The following RNF111 variants were observed in gnomAD, a reference collection of about 807,000 sequenced individuals.
RNF111 encodes the protein ring finger protein 111.
RNF111 carries 17 observed loss-of-function variants against 95.1 expected under a neutral mutation model. The observed-to-expected ratio is 0.18, with a 90% CI of 0.12 to 0.27. The LOEUF (loss-of-function observed/expected upper bound fraction) is 0.27. Among genes scored for constraint, RNF111 ranks in the 10% least tolerant of loss-of-function variants. The pLI is 1.00. For synonymous variants in RNF111, 440 were observed against 414.8 expected, an observed-to-expected ratio of 1.06 and a Z score of -0.74; for missense variants, 1,189 against 1,210.4, an observed-to-expected ratio of 0.98 and a Z score of 0.26.
Position 59,094,780 on chromosome 15 carries a change from T to A in RNF111, c.2844-3T>A. ...TTGCTTTTTGTTTTCTTGCCAATAA[T>A]AGACGTCTTCCATGTATGCACCTTT... On this transcript the variant is annotated splice_polypyrimidine_tract_variant and splice_region_variant and intron_variant, in intron 13 of 13. Transcript: ENST00000348370. The A allele has an allele frequency of 6.4e-7, 1 of 1,567,232 alleles. No homozygotes were observed. The highest frequency in any genetic ancestry group is 8.8e-7 in the Non-Finnish European group (1 of 1,137,320).
chr15:59,067,341 C>G (rs2042709243), intron 6 of RNF111, among the ~76,000 whole-genome samples: 1 of 151,100 alleles, frequency 6.6e-6, no homozygotes, highest in African/African-American at 2.4e-5. Flanking sequence ...TTCCTTCCCT[C>G]TCCTTTCTCC....
chr15:59,065,744 C>T (rs989108559), intron 5 of RNF111, among the ~76,000 whole-genome samples: 6 of 152,156 alleles, frequency 3.9e-5, no homozygotes, highest in African/African-American at 9.7e-5. Context: ...TGGTGGCTCA[C>T]GCCTGTAATC....
chr15:59,072,627 A>C (rs550168698), intron 6 of RNF111, among the ~76,000 whole-genome samples: 1 of 149,814 alleles, frequency 6.7e-6, no homozygotes, highest in Non-Finnish European at 1.5e-5. Flanking sequence ...ATTTTTTTGT[A>C]TTTTTTAGTA....
At chr15:59,059,071 A>C (rs1332646607) in intron 5 of RNF111, among the ~76,000 whole-genome samples, 1 of 152,166 alleles carries the variant, frequency 6.6e-6, no homozygotes, top group Non-Finnish European at 1.5e-5. Context: ...TGAGACCAGG[A>C]GTTCAAGACC....
chr15:59,008,407 C>T (rs2039639186), intron 1 of RNF111, among the ~76,000 whole-genome samples: 1 of 152,078 alleles, frequency 6.6e-6, no homozygotes, highest in Non-Finnish European at 1.5e-5. Context: ...TTTGTAGAGA[C>T]AGGGTCTCAC....
chr15:59,094,933 A>T lies in RNF111; in HGVS notation c.*33A>T. ...TTTCAGAACTCTTGCCCTCCCTCTC[A>T]TTCCCATCCTTCCTGGTACTGCAGT... On this transcript the variant is annotated 3_prime_UTR_variant, in exon 14 of 14. Transcript: ENST00000348370. 8.1e-7 allele frequency: 1 copy of T among 1,233,392 alleles called. No individual in the cohort carries two copies. Among genetic ancestry groups the T allele is most frequent in the Non-Finnish European group, 1.2e-6 (1 of 832,890 alleles). 76.4% of individuals were successfully genotyped at this position (1,233,392 alleles called of 1,614,324 possible).
At chr15:59,060,241 A>G (rs2042375028) in intron 5 of RNF111, among the ~76,000 whole-genome samples, 1 of 152,058 alleles carries the variant, frequency 6.6e-6, no homozygotes, top group Admixed American at 6.5e-5. Flanking sequence ...TCATTTGTTG[A>G]GTACATACTC....
chr15:59,085,605 G>A (rs1222834656), intron 9 of RNF111, 54 bp from the exon 10 acceptor site: 11 of 1,516,124 alleles, frequency 7.3e-6, no homozygotes, highest in South Asian at 3.9e-5. Context: ...CCCCATGTCT[G>A]TTGATAAAAA....
chr15:59,087,345 A>G (rs2078928040), intron 10 of RNF111, among the ~76,000 whole-genome samples: 1 of 152,226 alleles, frequency 6.6e-6, no homozygotes, highest in South Asian at 2.1e-4. Context: ...AACACAGTTA[A>G]AATAATATCA....
intron 1 of RNF111, among the ~76,000 whole-genome samples, chr15:58,999,461 G>A (rs547562441): frequency 6.6e-6 from 1 of 151,818 alleles, no homozygotes; most frequent in African/African-American, 2.4e-5. Flanking sequence ...TCAGCCTCCC[G>A]AGTAGCTGGG....
At chr15:59,024,187 TTC>T (rs1163008659) in intron 1 of RNF111, among the ~76,000 whole-genome samples, 2 of 152,224 alleles carry the variant, frequency 1.3e-5, no homozygotes, top group African/African-American at 4.8e-5. Flanking sequence ...GTTATTATTA[TTC>T]TCATTCTGCA....
intron 1 of RNF111, among the ~76,000 whole-genome samples, chr15:59,013,331 C>T (rs545783699): frequency 6.6e-6 from 1 of 152,336 alleles, no homozygotes; most frequent in African/African-American, 2.4e-5. Context: ...CACATTGATA[C>T]ATCACTGTTA....
intron 5 of RNF111, among the ~76,000 whole-genome samples, chr15:59,062,493 C>T (rs1187577146): frequency 6.6e-6 from 1 of 152,166 alleles, no homozygotes; most frequent in Non-Finnish European, 1.5e-5. Context: ...CTTATATATT[C>T]ATTTGTTTAA....
At chr15:59,044,179 C>T in intron 2 of RNF111, among the ~76,000 whole-genome samples, 1 of 152,164 alleles carries the variant, frequency 6.6e-6, no homozygotes, top group East Asian at 1.9e-4. Context: ...TAGAGGCACA[C>T]ATCACCATGC....
At chr15:59,083,549 AGTAT>A (rs2078810354) in intron 8 of RNF111, among the ~76,000 whole-genome samples, 1 of 151,990 alleles carries the variant, frequency 6.6e-6, no homozygotes, top group Admixed American at 6.6e-5. Context: ...AAAAAAAAAA[AGTAT>A]GAATCAAGCT....
Position 59,096,080 on chromosome 15 carries a change from C to G in RNF111, c.*1180C>G. On this transcript the variant is annotated 3_prime_UTR_variant, in exon 14 of 14. Coordinates refer to ENST00000348370, the MANE Select transcript of RNF111 (RefSeq NM_017610.8). ...TTATATACTCCCACTTCATACATTA[C>G]CAAGAGTCGATCACTGATTTAAAAT... The G allele has an allele frequency of 2.5e-6, 1 of 398,594 alleles. No homozygotes were observed. Among genetic ancestry groups the G allele is most frequent in the African/African-American group, 2.1e-5 (1 of 48,720 alleles). 24.7% of individuals were successfully genotyped at this position (398,594 alleles called of 1,614,324 possible).
chr15:59,025,336 T>C (rs148310555), intron 1 of RNF111, among the ~76,000 whole-genome samples: 249 of 152,348 alleles, frequency 1.6e-3, no homozygotes, highest in African/African-American at 5.8e-3. Flanking sequence ...CAGAAATCTC[T>C]TGAGAAATTT....
chr15:59,020,160 G>A (rs1241336836), intron 1 of RNF111, among the ~76,000 whole-genome samples: 1 of 147,980 alleles, frequency 6.8e-6, no homozygotes, highest in Non-Finnish European at 1.5e-5. Context: ...TATAAAATTT[G>A]TTAGATATGT....
chr15:59,061,849 C>T (rs2042451135), intron 5 of RNF111, among the ~76,000 whole-genome samples: 1 of 152,158 alleles, frequency 6.6e-6, no homozygotes, highest in African/African-American at 2.4e-5. Context: ...TAATGGGCTT[C>T]TGACTCCTTT....
Sources: allele counts gnomAD v4.1 joint callset (sites outside exome capture counted in the v4.1 genomes callset), GRCh38; gene constraint gnomAD v4.1.1; transcripts MANE v1.5; gene names NCBI Gene and HGNC (gene_info 2026-07-23, HGNC 2026-07-21).